Variants in UBN2 observed in about 807,000 individuals in gnomAD.
The protein encoded by UBN2 is ubinuclein-2.
UBN2 carries 35 observed loss-of-function variants against 120.2 expected under a neutral mutation model. The observed-to-expected ratio is 0.29, with a 90% CI of 0.22 to 0.39. The LOEUF is 0.39. Ranked by LOEUF, UBN2 falls within the 10% of genes least tolerant of loss-of-function variation. The pLI is 1.00. For synonymous variants in UBN2, 661 were observed against 648.7 expected (o/e 1.02, Z -0.29); for missense variants, 1,693 against 1,663.2 (o/e 1.02, Z -0.31).
chr7:139,241,796 G>A (rs1019099370), intron 2 of UBN2, among the ~76,000 whole-genome samples: 2 of 152,134 alleles, frequency 1.3e-5, no homozygotes, highest in African/African-American at 4.8e-5. Context: ...CAGGAGTGCA[G>A]CCAGCCTGGC....
chr7:139,261,487 C>T lies in UBN2; in HGVS notation c.1141C>T (p.Leu381Phe), dbSNP rs900177083. 1.2e-6 allele frequency: 2 copies of T among 1,614,206 alleles called. No individual in the cohort carries two copies. Among genetic ancestry groups the T allele is most frequent in the Non-Finnish European group, 8.5e-7 (1 of 1,180,040 alleles). Residue 381 changes from leucine (L) to phenylalanine (F), a missense_variant, in exon 6 of 18, where the codon CTT becomes TTT. Physicochemically the swap from Leu to Phe is conservative, Grantham distance 22 (BLOSUM62 0). Coordinates refer to ENST00000473989, the MANE Select transcript of UBN2 (RefSeq NM_173569.4). ...DLNLSSGDPDLPIFVSTNEHE... is the reference protein window; with the variant it reads ...DLNLSSGDPDFPIFVSTNEHE... ...AAATCTGAGCAGCGGTGATCCAGACCTTCCCATTTTTGTTAGCACAAATGA... is the reference window on the plus strand; with the variant it reads ...AAATCTGAGCAGCGGTGATCCAGACTTTCCCATTTTTGTTAGCACAAATGA...
At chr7:139,260,550 AGACGCTTGT>A (rs1796898596) in intron 5 of UBN2, among the ~76,000 whole-genome samples, 1 of 152,220 alleles carries the variant, frequency 6.6e-6, no homozygotes, top group African/African-American at 2.4e-5. Context: ...GCTAAGGGAA[AGACGCTTGT>A]GAGAGGCTGA....
chr7:139,291,352 C>T (rs1797949787), intron 15 of UBN2, among the ~76,000 whole-genome samples: 1 of 118,926 alleles, frequency 8.4e-6, no homozygotes, highest in Non-Finnish European at 1.6e-5. Flanking sequence ...CAGAGTGAGA[C>T]TCTGTCTCAA....
chr7:139,320,918 A>G, the UBN2 span, among the ~76,000 whole-genome samples: 1 of 152,282 alleles, frequency 6.6e-6, no homozygotes, highest in East Asian at 1.9e-4. Context: ...TAATATAAGG[A>G]CGAAATATAT....
intron 15 of UBN2, among the ~76,000 whole-genome samples, chr7:139,285,679 T>G (rs545674282): frequency 1.1e-4 from 17 of 152,138 alleles, no homozygotes; most frequent in Non-Finnish European, 2.2e-4. Context: ...TATTGTATTA[T>G]GTGTCTGATT....
intron 3 of UBN2, among the ~76,000 whole-genome samples, chr7:139,257,247 G>A (rs1487463466): frequency 6.6e-6 from 1 of 152,200 alleles, no homozygotes; most frequent in Non-Finnish European, 1.5e-5. Flanking sequence ...GGGAACATAA[G>A]TGTGATTTAA....
At chr7:139,241,115 T>C (rs1221502488) in intron 2 of UBN2, among the ~76,000 whole-genome samples, 1 of 152,210 alleles carries the variant, frequency 6.6e-6, no homozygotes, top group Non-Finnish European at 1.5e-5. Flanking sequence ...AGGCCACCTA[T>C]ACTCTATACT....
At chr7:139,259,411 TCTGA>T (rs751472333) in intron 5 of UBN2, 41 bp downstream of exon 5, 14 of 1,605,006 alleles carry the variant, frequency 8.7e-6, no homozygotes, top group East Asian at 4.5e-5. Context: ...GGCGTCACAG[TCTGA>T]CTGTCTCTCC....
chr7:139,310,382 A>G (rs1798431886), downstream of UBN2, among the ~76,000 whole-genome samples: 2 of 152,170 alleles, frequency 1.3e-5, no homozygotes, highest in South Asian at 4.1e-4. Context: ...GTGCAAAGCA[A>G]ATCTTACCCA....
intron 15 of UBN2, among the ~76,000 whole-genome samples, chr7:139,289,498 C>T (rs1465913474): frequency 1.3e-5 from 2 of 148,240 alleles, no homozygotes; most frequent in Admixed American, 7.2e-5. Flanking sequence ...CTGCAGCTTC[C>T]GCCTCTAGGG....
At chr7:139,236,786 A>G (rs888028543) in intron 1 of UBN2, among the ~76,000 whole-genome samples, 4 of 151,764 alleles carry the variant, frequency 2.6e-5, no homozygotes, top group Non-Finnish European at 5.9e-5. Context: ...TATTAGGAAA[A>G]GTTGTCTCGT....
chr7:139,312,223 C>T (rs2551073), downstream of UBN2, among the ~76,000 whole-genome samples: 233 of 152,270 alleles, frequency 1.5e-3, no homozygotes, highest in Non-Finnish European at 1.6e-3. Flanking sequence ...GATATGTGCC[C>T]CTTGTTTCGC....
At chr7:139,317,982 C>G in the UBN2 span, among the ~76,000 whole-genome samples, 3 of 152,052 alleles carry the variant, frequency 2.0e-5, no homozygotes, top group Non-Finnish European at 1.5e-5. Context: ...TTGTTTTTAT[C>G]CACTTTCCTG....
the UBN2 span, among the ~76,000 whole-genome samples, chr7:139,330,071 C>G: frequency 1.3e-5 from 2 of 152,102 alleles, no homozygotes; most frequent in Non-Finnish European, 1.5e-5. Context: ...CCCATCTCCC[C>G]CTAAGAAAAT....
chr7:139,232,011 C>T, intron 1 of UBN2, 59 bp downstream of exon 1: 1 of 1,530,630 alleles, frequency 6.5e-7, no homozygotes, highest in Non-Finnish European at 8.8e-7. Flanking sequence ...CCGCCGCCTT[C>T]CCCAGCTGGT....
At position 139,231,765 on chromosome 7, in the gene UBN2, A is replaced by AGCCGCC; in HGVS notation, c.289_294dup (p.Pro97_Pro98dup). ...CTGCAGCGGGAGCCCCCGCGGCCCG[A>AGCCGCC]GCCGCCGCCGCCGTTCCCGCCGCTG... On this transcript the variant is annotated inframe_insertion, in exon 1 of 18. Transcript: ENST00000473989. 1 of 1,247,064 alleles carries AGCCGCC rather than the reference A, an allele frequency of 8.0e-7. No homozygotes were observed. The highest frequency in any genetic ancestry group is 1.0e-6 in the Non-Finnish European group (1 of 1,001,254). 77.2% of individuals were successfully genotyped at this position (1,247,064 alleles called of 1,614,324 possible).
At chr7:139,232,007 C>T in intron 1 of UBN2, 55 bp downstream of exon 1, 1 of 1,538,100 alleles carries the variant, frequency 6.5e-7, no homozygotes, top group Non-Finnish European at 8.8e-7. Flanking sequence ...GGACCCGCCG[C>T]CTTCCCCAGC....
intron 6 of UBN2, among the ~76,000 whole-genome samples, chr7:139,263,386 A>G (rs1796995104): frequency 1.3e-5 from 2 of 152,168 alleles, no homozygotes; most frequent in South Asian, 2.1e-4. Context: ...GTAAATAAAT[A>G]TGGGAACAGT....
At chr7:139,287,601 T>C (rs1318739681) in intron 15 of UBN2, among the ~76,000 whole-genome samples, 1 of 152,066 alleles carries the variant, frequency 6.6e-6, no homozygotes, top group Non-Finnish European at 1.5e-5. Context: ...TACTCCCTCC[T>C]GGTTTTCTTC....
Sources: gnomAD v4.1 joint callset for allele counts (sites outside exome capture counted in the v4.1 genomes callset) on GRCh38, gnomAD v4.1.1 for gene constraint, MANE v1.5 for transcripts, NCBI Gene and HGNC (gene_info 2026-07-23, HGNC 2026-07-21) for gene names.